The following ARHGAP5 variants were observed in gnomAD, a reference collection of about 807,000 sequenced individuals.
ARHGAP5 encodes the protein rho GTPase-activating protein 5.
A neutral mutation model predicts 116.6 loss-of-function variants in ARHGAP5; 23 were observed. That is an observed-to-expected ratio of 0.20 (90% CI 0.14 to 0.28). ARHGAP5 has a LOEUF of 0.28. Among genes scored for constraint, ARHGAP5 ranks in the 10% least tolerant of loss-of-function variants. The pLI, the probability that ARHGAP5 is intolerant of heterozygous loss-of-function variation, is 1.00. For missense variants in ARHGAP5, 1,405 were observed against 1,774.8 expected, an observed-to-expected ratio of 0.79 and a Z score of 3.74; for synonymous variants, 574 against 602.0, an observed-to-expected ratio of 0.95 and a Z score of 0.68.
At chr14:32,085,495 C>A (rs558382981) in intron 1 of ARHGAP5, among the ~76,000 whole-genome samples, 18 of 152,294 alleles carry the variant, frequency 1.2e-4, no homozygotes, top group Admixed American at 9.8e-4. Context: ...GTACTACACT[C>A]TGTTCATCTT....
chr14:32,153,468 C>A (rs1594401808), intron 6 of ARHGAP5, among the ~76,000 whole-genome samples: 1 of 94,512 alleles, frequency 1.1e-5, no homozygotes, highest in African/African-American at 3.8e-5. Flanking sequence ...GGAATGCTAG[C>A]AGCCAGGTTT....
chr14:32,101,132 A>G (rs1878771218), intron 2 of ARHGAP5, among the ~76,000 whole-genome samples: 1 of 152,078 alleles, frequency 6.6e-6, no homozygotes, highest in Non-Finnish European at 1.5e-5. Context: ...TCTTTATATT[A>G]GCAATTACCA....
At chr14:32,127,935 G>T (rs1446077554) in intron 3 of ARHGAP5, among the ~76,000 whole-genome samples, 1 of 148,690 alleles carries the variant, frequency 6.7e-6, no homozygotes, top group Non-Finnish European at 1.5e-5. Flanking sequence ...ACGTGGTCAC[G>T]GCCGGGCAGA....
intron 2 of ARHGAP5, among the ~76,000 whole-genome samples, chr14:32,110,163 TAAA>T (rs1879216069): frequency 6.7e-6 from 1 of 149,906 alleles, no homozygotes; most frequent in Non-Finnish European, 1.5e-5. Context: ...ACAAAGCAGA[TAAA>T]AATTCCTGCC....
chr14:32,099,638 G>A (rs1264256003), intron 2 of ARHGAP5, among the ~76,000 whole-genome samples: 1 of 152,158 alleles, frequency 6.6e-6, no homozygotes, highest in Non-Finnish European at 1.5e-5. Context: ...CATCAGGCCT[G>A]AAATACCTCA....
chr14:32,113,846 T>C (rs1300129737), intron 2 of ARHGAP5, among the ~76,000 whole-genome samples: 1 of 152,216 alleles, frequency 6.6e-6, no homozygotes, highest in Non-Finnish European at 1.5e-5. Context: ...CTTAAAACTT[T>C]ATATTCCTCA....
chr14:32,153,295 A>G (rs1165314928), intron 6 of ARHGAP5, among the ~76,000 whole-genome samples: 2 of 148,440 alleles, frequency 1.3e-5, no homozygotes, highest in Middle Eastern at 3.5e-3. Flanking sequence ...AATCCTAGCT[A>G]CTCAGGAGGC....
chr14:32,094,022 G>T lies in ARHGAP5; in HGVS notation c.3353G>T (p.Arg1118Leu). Residue 1118 changes from arginine (R) to leucine (L), a missense_variant, in exon 2 of 7, where the codon CGT becomes CTT. Physicochemically the swap from Arg to Leu is moderately radical, Grantham distance 102. Coordinates refer to ENST00000345122, the MANE Select transcript of ARHGAP5 (RefSeq NM_001030055.2). ...IYVVPDDSQN[R>L]IKIRNSFVNN... Reference sequence around the variant, plus strand: ...GTTGTCCCAGATGATAGTCAAAATCGTATTAAAATTCGAAACTCATTTGTA... The same window carrying T: ...GTTGTCCCAGATGATAGTCAAAATCTTATTAAAATTCGAAACTCATTTGTA... 6.2e-7 allele frequency: 1 copy of T among 1,612,970 alleles called. No individual in the cohort carries two copies. The highest frequency in any genetic ancestry group is 2.2e-5 in the East Asian group (1 of 44,876).
At chr14:32,098,292 G>C (rs1395369041) in intron 2 of ARHGAP5, among the ~76,000 whole-genome samples, 1 of 152,174 alleles carries the variant, frequency 6.6e-6, no homozygotes, top group East Asian at 1.9e-4. Flanking sequence ...GAAACAAACA[G>C]ACCTCTGGTT....
chr14:32,112,423 T>C (rs572115966), intron 2 of ARHGAP5, among the ~76,000 whole-genome samples: 2 of 152,326 alleles, frequency 1.3e-5, no homozygotes, highest in Middle Eastern at 3.4e-3. Flanking sequence ...GTTTTTAATA[T>C]GTTGGACACT....
At chr14:32,148,907 G>A (rs372857811) in intron 4 of ARHGAP5, among the ~76,000 whole-genome samples, 3 of 151,772 alleles carry the variant, frequency 2.0e-5, no homozygotes, top group Non-Finnish European at 2.9e-5. Flanking sequence ...TTTTTTAGTC[G>A]GAACTTCACC....
At position 32,093,680 on chromosome 14, in the gene ARHGAP5, C is replaced by G. The variant is rs1378012769; in HGVS notation, c.3011C>G (p.Pro1004Arg). The G allele has an allele frequency of 6.2e-6, 10 of 1,614,016 alleles. No individual in the cohort carries two copies. In the East Asian group the frequency reaches 2.2e-4, roughly 36 times the overall value. The part of the protein sequence containing the change: ...IGDDVQLLPT[P>R]SDRSRYRLDL... ...GATGATGTACAGTTGCTTCCAACAC[C>G]TAGTGACCGTTCCAGATATAGATTA... The change falls in exon 2 of 7, where the codon CCT (proline) becomes CGT (arginine). Residue 1004 changes from proline (P) to arginine (R), a missense_variant. Transcript: ENST00000345122.
rs1464702644 is a variant in ARHGAP5, at chr14:32,117,227, A to G, written c.3805A>G (p.Thr1269Ala). The stretch of plus-strand genomic sequence containing the variant: ...TGGGATGCCCCTCCAGGATCTGGTT[A>G]CAGCTGAGAAGCCCATACCACTATT... Reference protein sequence around the residue: ...YFGMPLQDLVTAEKPIPLFVE... With the variant: ...YFGMPLQDLVAAEKPIPLFVE... The change falls in exon 3 of 7, where the codon ACA becomes GCA. Residue 1269 changes from threonine to alanine, a missense_variant. By Grantham distance (58) the Thr-to-Ala change is moderately conservative. This residue lies in a region of ARHGAP5 where 176 missense variants were observed against 221.2 expected (regional missense o/e 0.80). Transcript: ENST00000345122. 6.2e-7 allele frequency: 1 copy of G among 1,611,884 alleles called. No individual in the cohort carries two copies. Among genetic ancestry groups the G allele is most frequent in the Non-Finnish European group, 8.5e-7 (1 of 1,178,616 alleles).
At chr14:32,153,291 A>G (rs1477707107) in intron 6 of ARHGAP5, among the ~76,000 whole-genome samples, 1 of 149,074 alleles carries the variant, frequency 6.7e-6, no homozygotes, top group Non-Finnish European at 1.5e-5. Context: ...CTGTAATCCT[A>G]GCTACTCAGG....
intron 1 of ARHGAP5, 106 bp downstream of exon 1, chr14:32,077,541 A>G: frequency 1.6e-6 from 1 of 606,960 alleles, no homozygotes; most frequent in Non-Finnish European, 2.9e-6. Flanking sequence ...GGTTGTAACC[A>G]GTTGAAGGGG....
At chr14:32,097,822 A>T (rs767153587) in intron 2 of ARHGAP5, among the ~76,000 whole-genome samples, 1 of 152,236 alleles carries the variant, frequency 6.6e-6, no homozygotes, top group African/African-American at 2.4e-5. Context: ...ATTTCTATAC[A>T]TTACCAACAG....
At chr14:32,079,283 A>T (rs2041747443) in intron 1 of ARHGAP5, among the ~76,000 whole-genome samples, 1 of 152,212 alleles carries the variant, frequency 6.6e-6, no homozygotes, top group Non-Finnish European at 1.5e-5. Context: ...CATTCTTTGT[A>T]CATTAATTAT....
At chr14:32,114,478 G>A (rs978537150) in intron 2 of ARHGAP5, among the ~76,000 whole-genome samples, 1 of 152,136 alleles carries the variant, frequency 6.6e-6, no homozygotes, top group Non-Finnish European at 1.5e-5. Context: ...GGTGGTCGAA[G>A]TGGAGGGATC....
At chr14:32,116,072 G>A (rs536773275) in intron 2 of ARHGAP5, among the ~76,000 whole-genome samples, 4 of 151,592 alleles carry the variant, frequency 2.6e-5, no homozygotes, top group Non-Finnish European at 5.9e-5. Flanking sequence ...TGGATCACAA[G>A]GTCAGCAGAT....
Sources: allele counts gnomAD v4.1 joint callset (sites outside exome capture counted in the v4.1 genomes callset), GRCh38; gene constraint gnomAD v4.1.1; regional missense constraint gnomAD v4.1.1; transcripts MANE v1.5; gene names NCBI Gene and HGNC (gene_info 2026-07-23, HGNC 2026-07-21).